Variants in TSPEAR observed in about 807,000 individuals in gnomAD.
TSPEAR encodes thrombospondin type laminin G domain and EAR repeats, also known as thrombospondin-type laminin G domain and EAR repeat-containing protein.
A neutral mutation model predicts 71.6 loss-of-function variants in TSPEAR; 69 were observed. The ratio of observed to expected loss-of-function variants is 0.96; its 90% CI spans 0.79 to 1.18. The LOEUF is 1.18. Ranked by LOEUF, TSPEAR falls within the 50% of genes most tolerant of loss-of-function variation. The probability of loss-of-function intolerance (pLI) is 0.00; values close to 1 mark genes in which losing one functional copy is unlikely to be tolerated. For synonymous variants in TSPEAR, 402 were observed against 387.2 expected (o/e 1.04, Z -0.45); for missense variants, 971 against 894.9 (o/e 1.09, Z -1.09).
intron 1 of TSPEAR, chr21:44,580,064 C>T: frequency 1.3e-6 from 2 of 1,594,576 alleles, no homozygotes; most frequent in Non-Finnish European, 1.7e-6. Context: ...AGGCACGTAG[C>T]AGGACTGCTG....
In TSPEAR at chr21:44,704,835, C is replaced by T. The variant is rs77264816; in HGVS notation, c.82+6598G>A. Among the ~76,000 whole-genome samples the T allele has an allele frequency of 7.0e-5, 10 of 143,088 alleles. No individual in the cohort carries two copies. In the East Asian group the frequency reaches 9.9e-4, roughly 14 times the overall value. The allele number at this position is 143,088 out of a possible 152,430, so 93.9% of individuals were successfully genotyped here. On this transcript the variant is annotated intron_variant, in intron 1 of 11. Transcript: ENST00000323084. ...CCCACCCAGTGTCACGTCACGGCCCCGGCACGCCATCCACGGACCCTGGAT... is the reference window on the plus strand; with the variant it reads ...CCCACCCAGTGTCACGTCACGGCCCTGGCACGCCATCCACGGACCCTGGAT...
intron 1 of TSPEAR, among the ~76,000 whole-genome samples, chr21:44,629,876 C>T (rs1461596387): frequency 6.6e-6 from 1 of 152,188 alleles, no homozygotes; most frequent in Non-Finnish European, 1.5e-5. Context: ...GGCTCGCTTC[C>T]AGAAGGGGAA....
At chr21:44,601,675 C>T (rs1555928881) in intron 1 of TSPEAR, 1 of 1,612,780 alleles carries the variant, frequency 6.2e-7, no homozygotes, top group Non-Finnish European at 8.5e-7. Flanking sequence ...CCTTTGCCGC[C>T]CCGCATGCTC....
intron 1 of TSPEAR, among the ~76,000 whole-genome samples, chr21:44,630,873 T>C (rs1983217005): frequency 6.6e-6 from 1 of 151,954 alleles, no homozygotes; most frequent in Admixed American, 6.6e-5. Context: ...TGACAAAGAG[T>C]ATAGTCATTA....
chr21:44,666,125 T>G, intron 1 of TSPEAR: 1 of 307,074 alleles, frequency 3.3e-6, no homozygotes, highest in Non-Finnish European at 6.0e-6. Flanking sequence ...GCAAATTCTA[T>G]GTAATCAGCA....
chr21:44,512,870 G>A (rs2052432736), intron 9 of TSPEAR, among the ~76,000 whole-genome samples: 1 of 152,170 alleles, frequency 6.6e-6, no homozygotes, highest in Admixed American at 6.5e-5. Context: ...CTGCTACGAA[G>A]CAGAGCTCTT....
chr21:44,540,571 G>A (rs934872554), intron 2 of TSPEAR, among the ~76,000 whole-genome samples: 2 of 152,272 alleles, frequency 1.3e-5, no homozygotes, highest in South Asian at 2.1e-4. Context: ...TCCCACTCAC[G>A]ATCGTGGGGG....
intron 1 of TSPEAR, among the ~76,000 whole-genome samples, chr21:44,694,692 G>T (rs1987255758): frequency 6.6e-6 from 1 of 152,186 alleles, no homozygotes; most frequent in South Asian, 2.1e-4. Flanking sequence ...GGCAGTTTTA[G>T]CACACATGTA....
At chr21:44,619,994 A>C (rs1982341458) in intron 1 of TSPEAR, among the ~76,000 whole-genome samples, 1 of 152,244 alleles carries the variant, frequency 6.6e-6, no homozygotes, top group Non-Finnish European at 1.5e-5. Flanking sequence ...AGAATTGAGG[A>C]AACACATCAA....
intron 9 of TSPEAR, chr21:44,518,681 C>G (rs1483771572): frequency 4.2e-6 from 2 of 470,920 alleles, no homozygotes; most frequent in Non-Finnish European, 8.8e-6. Flanking sequence ...TGCCCCCCAC[C>G]AGCTCATTCG....
chr21:44,498,987 G>C lies in TSPEAR; in HGVS notation c.*796C>G. The C allele has an allele frequency of 6.6e-6, 1 of 152,360 alleles. No homozygotes were observed. The highest frequency in any genetic ancestry group is 1.9e-4 in the East Asian group (1 of 5,202). 9.4% of individuals were successfully genotyped at this position (152,360 alleles called of 1,614,324 possible). On this transcript the variant is annotated 3_prime_UTR_variant, in exon 12 of 12. Coordinates refer to ENST00000323084, the MANE Select transcript of TSPEAR (RefSeq NM_144991.3). ...CAGCAGAGGATGCTGTTACCAGGGA[G>C]CTAGGACAGCCAGCACACAGGCAGA...
At chr21:44,689,739 A>ATATATATATATTTTTTTTTTTTTT (rs1555949531) in intron 1 of TSPEAR, among the ~76,000 whole-genome samples, 2 of 128,172 alleles carry the variant, frequency 1.6e-5, no homozygotes, top group African/African-American at 6.3e-5. Flanking sequence ...ATATATATAT[A>ATATATATATATTTTTTTTTTTTTT]TTTTGGGGGG....
At chr21:44,541,861 C>T (rs1461553255) in intron 2 of TSPEAR, among the ~76,000 whole-genome samples, 1 of 152,220 alleles carries the variant, frequency 6.6e-6, no homozygotes, top group Non-Finnish European at 1.5e-5. Context: ...CAAAAGTGAT[C>T]TCTTCTGGAG....
chr21:44,529,319 G>A (rs1555915414), intron 5 of TSPEAR, among the ~76,000 whole-genome samples: 1 of 152,250 alleles, frequency 6.6e-6, no homozygotes, highest in East Asian at 1.9e-4. Flanking sequence ...AAATCAAGCG[G>A]GGAGGCCCTC....
In TSPEAR at chr21:44,687,790, C is replaced by T. The variant is rs375640040; in HGVS notation, c.82+23643G>A. ...GCTGTGTTGACAGATTGGCAAACTT[C>T]GTCAAATGATACCCTTGAGATTTGA... On this transcript the variant is annotated intron_variant, in intron 1 of 11. Transcript: ENST00000323084. This position sits in a 1 kb window ranked among gnomAD's most constrained non-coding sequence, Gnocchi z 4.4. 9.2e-5 allele frequency among the ~76,000 whole-genome samples: 14 copies of T among 152,128 alleles called. No individual in the cohort carries two copies. In the East Asian group the frequency reaches 2.1e-3, roughly 23 times the overall value.
At chr21:44,707,535 T>C (rs1448545621) in intron 1 of TSPEAR, among the ~76,000 whole-genome samples, 2 of 151,706 alleles carry the variant, frequency 1.3e-5, no homozygotes, top group Non-Finnish European at 2.9e-5. Context: ...CAATAGAGTG[T>C]GTGGGGCTCA....
intron 1 of TSPEAR, among the ~76,000 whole-genome samples, chr21:44,617,421 C>T (rs148172109): frequency 3.7e-4 from 56 of 152,336 alleles, no homozygotes; most frequent in Non-Finnish European, 6.8e-4. Context: ...GCTGGGTGGG[C>T]GGAGGGCCCC....
chr21:44,698,566 GT>G (rs1987498032), intron 1 of TSPEAR, among the ~76,000 whole-genome samples: 1 of 152,108 alleles, frequency 6.6e-6, no homozygotes, highest in Non-Finnish European at 1.5e-5. Context: ...AGGCACAGCC[GT>G]CCCCACCGCC....
In TSPEAR at chr21:44,646,858, C is replaced by A. The variant is rs782756545; in HGVS notation, c.82+64575G>T. The A allele has an allele frequency of 3.8e-5, 60 of 1,577,184 alleles. No individual in the cohort carries two copies. Among genetic ancestry groups the A allele is most frequent in the Non-Finnish European group, 4.5e-5 (52 of 1,160,582 alleles). On this transcript the variant is annotated intron_variant, in intron 1 of 11. Transcript: ENST00000323084. ...GTGCTGCCGGCAGTCTAGCTGCCAGCCAGCTTGCTGTGCCTCTTCCTCCTG... is the reference window on the plus strand; with the variant it reads ...GTGCTGCCGGCAGTCTAGCTGCCAGACAGCTTGCTGTGCCTCTTCCTCCTG...
Sources: gnomAD v4.1 joint callset for allele counts (sites outside exome capture counted in the v4.1 genomes callset) on GRCh38, gnomAD v4.1.1 for gene constraint, Gnocchi (gnomAD v3.1) non-coding constraint, MANE v1.5 for transcripts, NCBI Gene and HGNC (gene_info 2026-07-23, HGNC 2026-07-21) for gene names.